The following HKDC1 variants were observed in gnomAD, a reference collection of about 807,000 sequenced individuals.
HKDC1 encodes hexokinase HKDC1.
In HKDC1, 66 loss-of-function variants were observed where a neutral mutation model predicts 96.6. That is an observed-to-expected ratio of 0.68 (90% CI 0.56 to 0.84). The LOEUF (loss-of-function observed/expected upper bound fraction) is 0.84, where lower values mean the gene tolerates loss of function less well. Ranked by LOEUF, HKDC1 falls within the 40% of genes least tolerant of loss-of-function variation. The pLI, the probability that HKDC1 is intolerant of heterozygous loss-of-function variation, is 0.00. For missense variants in HKDC1, 1,211 were observed against 1,208.1 expected, an observed-to-expected ratio of 1.00 and a Z score of -0.04; for synonymous variants, 466 against 473.1, an observed-to-expected ratio of 0.98 and a Z score of 0.20.
intron 5 of HKDC1, 139 bp from the exon 6 acceptor site, chr10:69,240,513 G>C (rs1021062263): frequency 1.6e-6 from 1 of 628,838 alleles, no homozygotes; most frequent in Non-Finnish European, 2.8e-6. Flanking sequence ...ATGAGGCCTT[G>C]CTCCTTCAGA....
rs200176844 is a variant in HKDC1 at position 69,239,108 on chromosome 10, C to T, written c.562C>T (p.Arg188Cys). 29 of 1,613,864 alleles carry T rather than the reference C, an allele frequency of 1.8e-5. No homozygotes were observed. The Middle Eastern group carries it at 6.6e-4, about 37-fold the overall frequency. The change falls in exon 5 of 18, where the codon CGT (arginine) becomes TGT (cysteine). Residue 188 changes from arginine to cysteine, a missense_variant. Arg to Cys is a radical substitution (Grantham distance 180). Coordinates refer to ENST00000354624, the MANE Select transcript of HKDC1 (RefSeq NM_025130.4). ...RGVQDTDVVS[R>C]LTKAMRRHKD... ...AGTTCAGGACACGGATGTGGTGAGC[C>T]GTCTGACCAAAGCCATGAGAAGACA...
At chr10:69,237,060 T>C (rs1256826402) in intron 4 of HKDC1, among the ~76,000 whole-genome samples, 1 of 152,052 alleles carries the variant, frequency 6.6e-6, no homozygotes, top group East Asian at 1.9e-4. Flanking sequence ...TTCAGCTCCA[T>C]GACTGCAGAG....
At chr10:69,227,820 C>G (rs903620653) in intron 2 of HKDC1, among the ~76,000 whole-genome samples, 19 of 152,254 alleles carry the variant, frequency 1.2e-4, no homozygotes, top group African/African-American at 4.6e-4. Flanking sequence ...TTCCCAGCAC[C>G]TAGTGTAGCA....
At chr10:69,241,088 CAAAG>C (rs1564729858) in intron 6 of HKDC1, among the ~76,000 whole-genome samples, 2 of 152,068 alleles carry the variant, frequency 1.3e-5, no homozygotes, top group South Asian at 2.1e-4. Flanking sequence ...AAACAAAAAA[CAAAG>C]AGAGTGATGT....
At position 69,265,678 on chromosome 10, in the gene HKDC1, C is replaced by G. The variant is rs373165480; in HGVS notation, c.2466C>G (p.Cys822Trp). Residue 822 changes from cysteine (C) to tryptophan (W), a missense_variant, in exon 17 of 18, where the codon TGC (cysteine) becomes TGG (tryptophan). By Grantham distance (215) the Cys-to-Trp change is radical. Transcript: ENST00000354624. The stretch of plus-strand genomic sequence containing the variant: ...ACAGCATCGTGGTGAAGGAGGTGTG[C>G]GGAGCCGTGTCCCGGCGGGCGGCCC... ...CEDSIVVKEV[C>W]GAVSRRAAQL... 2 of 1,613,778 alleles carry G rather than the reference C, an allele frequency of 1.2e-6. No homozygotes were observed. Among genetic ancestry groups the G allele is most frequent in the African/African-American group, 2.7e-5 (2 of 74,910 alleles).
intron 16 of HKDC1, among the ~76,000 whole-genome samples, chr10:69,263,941 A>G (rs1020242573): frequency 2.0e-5 from 3 of 152,236 alleles, no homozygotes; most frequent in Non-Finnish European, 4.4e-5. Context: ...TTGGGAGGCC[A>G]AGGCAGGCAG....
At chr10:69,232,524 A>C in intron 2 of HKDC1, 1 of 546,070 alleles carries the variant, frequency 1.8e-6, no homozygotes, top group Non-Finnish European at 3.3e-6. Flanking sequence ...TTCCTACAGC[A>C]TGAGCCAGTG....
chr10:69,233,152 C>G lies in HKDC1; in HGVS notation c.495+19C>G, dbSNP rs1302900979. ...GGAAGAGGTAAGGCGCGGAGGGAAG[C>G]AGCAGTGCAGGAATTGGGGCTTGGG... On this transcript the variant is annotated intron_variant, in intron 4 of 17. Coordinates refer to ENST00000354624, the MANE Select transcript of HKDC1 (RefSeq NM_025130.4). The G allele has an allele frequency of 6.2e-7, 1 of 1,613,026 alleles. No individual in the cohort carries two copies. Among genetic ancestry groups the G allele is most frequent in the Non-Finnish European group, 8.5e-7 (1 of 1,179,836 alleles).
chr10:69,221,698 C>A (rs942916987), intron 1 of HKDC1, among the ~76,000 whole-genome samples: 3 of 152,090 alleles, frequency 2.0e-5, no homozygotes, highest in Non-Finnish European at 4.4e-5. Flanking sequence ...CTGAGATGAG[C>A]AGATCTCATC....
chr10:69,222,649 C>G (rs376006922), intron 1 of HKDC1, among the ~76,000 whole-genome samples: 12 of 152,322 alleles, frequency 7.9e-5, no homozygotes, highest in African/African-American at 2.4e-4. Context: ...GGAAATGCAG[C>G]CTCTGCTGAT....
At chr10:69,248,006 G>A (rs1429607119) in intron 9 of HKDC1, among the ~76,000 whole-genome samples, 1 of 152,182 alleles carries the variant, frequency 6.6e-6, no homozygotes, top group African/African-American at 2.4e-5. Context: ...CAAGATTATG[G>A]GAAGGGTCCT....
rs1445861509 is a variant in HKDC1 at position 69,257,065 on chromosome 10, C to A, written c.1866C>A (p.Phe622Leu). The change falls in exon 13 of 18, where the codon TTC becomes TTA. Residue 622 changes from phenylalanine to leucine, a missense_variant. Coordinates refer to ENST00000354624, the MANE Select transcript of HKDC1 (RefSeq NM_025130.4). ...CACTCATAGGGTGGACCAAAGGTTT[C>A]AAGGCCACTGACTGTGAAGGGGAGG... is the stretch of plus-strand genomic sequence containing the variant. ...KGTLIGWTKG[F>L]KATDCEGEDV... The A allele has an allele frequency of 6.2e-7, 1 of 1,614,108 alleles. No homozygotes were observed. The highest frequency in any genetic ancestry group is 8.5e-7 in the Non-Finnish European group (1 of 1,179,990).
intron 2 of HKDC1, among the ~76,000 whole-genome samples, chr10:69,229,735 C>G (rs369180194): frequency 1.3e-5 from 2 of 152,166 alleles, no homozygotes; most frequent in Non-Finnish European, 2.9e-5. Context: ...CGGGAAGACG[C>G]CCAGCTCCCC....
chr10:69,258,804 G>A lies in HKDC1; in HGVS notation c.2061G>A (p.Glu687=), dbSNP rs766083406. The A allele has an allele frequency of 6.2e-7, 1 of 1,614,110 alleles. No individual in the cohort carries two copies. Among genetic ancestry groups the A allele is most frequent in the Non-Finnish European group, 8.5e-7 (1 of 1,180,006 alleles). ...CAGGCAGCAACATGTGCTACATGGA[G>A]GACATGAGGAACATCGAGATGGTGG... ...AGTGSNMCYM[E]DMRNIEMVEG... Residue 687 remains glutamate (E), a synonymous_variant, in exon 15 of 18, where the codon GAG becomes GAA. Transcript: ENST00000354624.
At chr10:69,222,456 A>AGT (rs1843081632) in intron 1 of HKDC1, among the ~76,000 whole-genome samples, 1 of 152,224 alleles carries the variant, frequency 6.6e-6, no homozygotes, top group African/African-American at 2.4e-5. Flanking sequence ...TAGTAAAGGC[A>AGT]CAAGTTGCAC....
intron 1 of HKDC1, among the ~76,000 whole-genome samples, chr10:69,226,504 A>T (rs1843157810): frequency 6.6e-6 from 1 of 152,040 alleles, no homozygotes; most frequent in African/African-American, 2.4e-5. Flanking sequence ...AATAAAAAAA[A>T]ATTAGTCGGG....
At chr10:69,242,647 T>C (rs766144025) in intron 6 of HKDC1, among the ~76,000 whole-genome samples, 1 of 152,184 alleles carries the variant, frequency 6.6e-6, no homozygotes, top group Non-Finnish European at 1.5e-5. Context: ...TTTGAGGCAT[T>C]TCCTTGGAGC....
chr10:69,257,570 T>A, intron 14 of HKDC1, 144 bp downstream of exon 14: 2 of 695,368 alleles, frequency 2.9e-6, no homozygotes, highest in Non-Finnish European at 5.0e-6. Flanking sequence ...GGATTCCAGG[T>A]CACCAAGTTC....
chr10:69,235,282 C>G (rs1335534506), intron 4 of HKDC1, among the ~76,000 whole-genome samples: 2 of 152,018 alleles, frequency 1.3e-5, no homozygotes, highest in Middle Eastern at 3.2e-3. Flanking sequence ...ATTAGCTGGG[C>G]CTGGTGGCGG....
Sources: gnomAD v4.1 joint callset for allele counts (sites outside exome capture counted in the v4.1 genomes callset) on GRCh38, gnomAD v4.1.1 for gene constraint, MANE v1.5 for transcripts, NCBI Gene and HGNC (gene_info 2026-07-23, HGNC 2026-07-21) for gene names.